LYRM4: variants seen among roughly 807,000 people sequenced by gnomAD.
The protein encoded by LYRM4 is LYR motif containing 4.
LYRM4 carries 9 observed loss-of-function variants against 11.7 expected under a neutral mutation model. That is an observed-to-expected ratio of 0.77 (90% CI 0.46 to 1.34). LYRM4 has a LOEUF of 1.34. Among genes scored for constraint, LYRM4 ranks in the 40% most tolerant of loss-of-function variants. The pLI is 0.00. For missense variants in LYRM4, 133 were observed against 112.5 expected (o/e 1.18, Z -0.82); for synonymous variants, 42 against 40.4 (o/e 1.04, Z -0.15).
chr6:5,207,366 G>A (rs1761758819), intron 2 of LYRM4, among the ~76,000 whole-genome samples: 1 of 148,588 alleles, frequency 6.7e-6, no homozygotes, highest in African/African-American at 2.6e-5. Context: ...GAAAATGAGT[G>A]CACGCCCTCA....
At chr6:5,088,929 C>T in the LYRM4 span, 61 of 152,336 alleles carry the variant, frequency 4.0e-4, no homozygotes, top group Non-Finnish European at 7.8e-4. Flanking sequence ...TGGCTTCAAA[C>T]TACAAAGCTG....
At chr6:5,139,787 A>G (rs947698483) in intron 2 of LYRM4, among the ~76,000 whole-genome samples, 10 of 150,318 alleles carry the variant, frequency 6.7e-5, no homozygotes, top group Admixed American at 6.6e-4. Context: ...TTTGCCTATA[A>G]TTTTTCTTCC....
At chr6:5,080,675 C>A in the LYRM4 span, among the ~76,000 whole-genome samples, 1 of 152,158 alleles carries the variant, frequency 6.6e-6, no homozygotes, top group African/African-American at 2.4e-5. Context: ...AGTGCCGGAA[C>A]CAATTATGAC....
chr6:5,216,148 A>G (rs1373420985), intron 2 of LYRM4, among the ~76,000 whole-genome samples: 1 of 152,164 alleles, frequency 6.6e-6, no homozygotes, highest in Admixed American at 6.5e-5. Context: ...ACTTTACACC[A>G]TCTGCACCTG....
intron 2 of LYRM4, among the ~76,000 whole-genome samples, chr6:5,163,412 T>C (rs1758882690): frequency 6.6e-6 from 1 of 152,096 alleles, no homozygotes; most frequent in South Asian, 2.1e-4. Flanking sequence ...CACCGATCAG[T>C]TTGCCTAGCC....
chr6:5,256,844 T>G (rs1214479437), intron 1 of LYRM4, among the ~76,000 whole-genome samples: 1 of 152,186 alleles, frequency 6.6e-6, no homozygotes, highest in East Asian at 1.9e-4. Context: ...GGTGCAAGTT[T>G]AAATTCACCC....
the LYRM4 span, chr6:5,084,591 C>T: frequency 1.3e-5 from 2 of 152,062 alleles, no homozygotes; most frequent in Admixed American, 1.3e-4. Context: ...GGCCTCCGGC[C>T]GCTCTCGGCT....
intron 2 of LYRM4, among the ~76,000 whole-genome samples, chr6:5,153,177 C>T (rs12208526): frequency 0.017 from 2,635 of 152,168 alleles, 40 homozygotes; most frequent in Non-Finnish European, 0.03. Flanking sequence ...AGCTCTGCCT[C>T]GCCTCCTGGG....
chr6:5,163,558 A>C (rs1158379626), intron 2 of LYRM4, among the ~76,000 whole-genome samples: 1 of 150,418 alleles, frequency 6.6e-6, no homozygotes, highest in Non-Finnish European at 1.5e-5. Flanking sequence ...TTTTCATGTG[A>C]ATTTTTGAAT....
chr6:5,216,366 C>T (rs1371779969), intron 2 of LYRM4, among the ~76,000 whole-genome samples: 1 of 152,212 alleles, frequency 6.6e-6, no homozygotes, highest in African/African-American at 2.4e-5. Flanking sequence ...GCAGAAGTTT[C>T]TCATACTTAA....
chr6:5,063,228 G>A, the LYRM4 span, among the ~76,000 whole-genome samples: 3 of 151,778 alleles, frequency 2.0e-5, no homozygotes, highest in Non-Finnish European at 4.4e-5. Context: ...CAGACGGGAC[G>A]GCCACTTCAT....
At chr6:5,071,728 C>T in the LYRM4 span, among the ~76,000 whole-genome samples, 2 of 152,114 alleles carry the variant, frequency 1.3e-5, no homozygotes, top group African/African-American at 4.8e-5. Context: ...GCCTCTGCCT[C>T]CCTGGCTCAC....
the LYRM4 span, chr6:5,065,681 G>C: frequency 6.4e-6 from 1 of 155,272 alleles, no homozygotes; most frequent in African/African-American, 2.4e-5. Flanking sequence ...TACGTGTCAT[G>C]TGCAAAACAA....
intron 1 of LYRM4, among the ~76,000 whole-genome samples, chr6:5,225,902 C>T (rs190931598): frequency 1.3e-5 from 2 of 152,352 alleles, no homozygotes; most frequent in East Asian, 3.9e-4. Flanking sequence ...AGGTGAAAAA[C>T]AGTATTTCAT....
intron 2 of LYRM4, among the ~76,000 whole-genome samples, chr6:5,128,836 G>A (rs1195325736): frequency 6.6e-6 from 1 of 152,208 alleles, no homozygotes; most frequent in Admixed American, 6.5e-5. Flanking sequence ...GCATGACTAG[G>A]TGATGCCGCC....
chr6:5,236,177 G>A (rs1445572407), intron 1 of LYRM4: 2 of 152,170 alleles, frequency 1.3e-5, no homozygotes, highest in African/African-American at 4.8e-5. Context: ...TTAAAAATGA[G>A]CATTAGGCTG....
chr6:5,170,661 C>T (rs1461924871), intron 2 of LYRM4, among the ~76,000 whole-genome samples: 1 of 152,130 alleles, frequency 6.6e-6, no homozygotes, highest in African/African-American at 2.4e-5. Context: ...ACACGAGTAA[C>T]AGGGTTTCAT....
At chr6:5,086,302 G>A in the LYRM4 span, 6 of 1,535,666 alleles carry the variant, frequency 3.9e-6, no homozygotes, top group South Asian at 5.9e-5. Flanking sequence ...CGAGCCGCTG[G>A]AGCCACAGCA....
the LYRM4 span, among the ~76,000 whole-genome samples, chr6:5,046,749 C>T: frequency 6.6e-6 from 1 of 152,184 alleles, no homozygotes; most frequent in Non-Finnish European, 1.5e-5. Context: ...ATGACCTAGT[C>T]TGAGATTTCA....
Sources: gnomAD v4.1 joint callset for allele counts (sites outside exome capture counted in the v4.1 genomes callset) on GRCh38, gnomAD v4.1.1 for gene constraint, MANE v1.5 for transcripts, NCBI Gene and HGNC (gene_info 2026-07-23, HGNC 2026-07-21) for gene names.